Variants in NADK observed in about 807,000 individuals in gnomAD.
The protein encoded by NADK is NAD kinase, also known as poly(P)/ATP NAD kinase.
NADK carries 22 observed loss-of-function variants against 49.8 expected under a neutral mutation model. That is an observed-to-expected ratio of 0.44 (90% confidence interval 0.32 to 0.63). The LOEUF (loss-of-function observed/expected upper bound fraction) is 0.63, where lower values mean the gene tolerates loss of function less well. NADK is among the 30% of genes least tolerant of loss of function. NADK has a pLI of 0.06. For missense variants in NADK, 438 were observed against 609.4 expected, an observed-to-expected ratio of 0.72 and a Z score of 2.96; for synonymous variants, 268 against 253.7, an observed-to-expected ratio of 1.06 and a Z score of -0.54.
intron 4 of NADK, 129 bp from the exon 5 acceptor site, chr1:1,756,737 A>G: frequency 6.5e-7 from 1 of 1,528,326 alleles, no homozygotes; most frequent in Admixed American, 1.8e-5. Flanking sequence ...CCCCACGCTC[A>G]CGCTGAAACT....
chr1:1,765,305 G>C lies in NADK; in HGVS notation c.102C>G (p.Tyr34Ter), dbSNP rs780329303. The change falls in exon 2 of 12, where the codon TAC becomes TAG. Residue 34 changes from tyrosine to a stop codon, truncating the protein, a stop_gained. Transcript: ENST00000341426. LOFTEE classifies it high-confidence loss of function. ...TGGCCCGGCCCCGGATGGGGTGGTT[G>C]TAACTCCAGGTCTCATCGCCGTGGC... is the stretch of plus-strand genomic sequence containing the variant. ...SACHGDETWS[Y>*]NHPIRGRAKS... The C allele has an allele frequency of 6.2e-7, 1 of 1,613,518 alleles. No individual in the cohort carries two copies. The highest frequency in any genetic ancestry group is 8.5e-7 in the Non-Finnish European group (1 of 1,179,814).
In NADK at chr1:1,752,854, A is replaced by T; in HGVS notation, c.*50T>A. The T allele has an allele frequency of 6.3e-7, 1 of 1,584,126 alleles. No homozygotes were observed. On this transcript the variant is annotated 3_prime_UTR_variant, in exon 12 of 12. Transcript: ENST00000341426. Reference sequence around the variant, plus strand: ...CACACGCAGATTGGTCTGTCCCCAGAGGGCGCTTGGAGGGCAGCGGAAGGA... The same window carrying T: ...CACACGCAGATTGGTCTGTCCCCAGTGGGCGCTTGGAGGGCAGCGGAAGGA...
At chr1:1,758,964 T>C (rs1645624483) in intron 3 of NADK, 4 of 1,198,888 alleles carry the variant, frequency 3.3e-6, no homozygotes, top group East Asian at 2.8e-5. Context: ...CCCTGCCTCC[T>C]AGCCCGCTGC....
intron 3 of NADK, among the ~76,000 whole-genome samples, chr1:1,757,682 G>C (rs1645574374): frequency 6.6e-6 from 1 of 152,116 alleles, no homozygotes; most frequent in African/African-American, 2.4e-5. Context: ...CCCATGGCTG[G>C]GCCACTCTTT....
At chr1:1,759,585 A>C in intron 3 of NADK, 1 of 967,488 alleles carries the variant, frequency 1.0e-6, no homozygotes. Flanking sequence ...GGAAGACGGA[A>C]GTTCAGATGC....
At chr1:1,755,209 G>T (rs1220824963) in intron 7 of NADK, among the ~76,000 whole-genome samples, 165 bp downstream of exon 7, 1 of 152,236 alleles carries the variant, frequency 6.6e-6, no homozygotes, top group Admixed American at 6.5e-5. Context: ...AAACTTCTCA[G>T]TGTCAGTAAA....
At position 1,768,758 on chromosome 1, in the gene NADK, G is replaced by A. The variant is rs374963348; in HGVS notation, c.-40-3312C>T. On this transcript the variant is annotated intron_variant, in intron 1 of 11. Transcript: ENST00000341426. ...GAACAAACATTTTTGTTGTTTACCC[G>A]CCCCCTGCCCCATGCCTGTGGCACT... 1.1e-3 allele frequency among the ~76,000 whole-genome samples: 160 copies of A among 152,212 alleles called. 1 individual carries two copies. The highest frequency in any genetic ancestry group is 3.7e-3 in the African/African-American group (153 of 41,544).
intron 3 of NADK, among the ~76,000 whole-genome samples, chr1:1,758,088 A>C (rs1645587502): frequency 6.6e-6 from 1 of 152,194 alleles, no homozygotes; most frequent in South Asian, 2.1e-4. Context: ...CCAGAAGCCA[A>C]GGGAGGGCGC....
At chr1:1,772,373 A>G (rs1487364191) in intron 1 of NADK, among the ~76,000 whole-genome samples, 1 of 152,076 alleles carries the variant, frequency 6.6e-6, no homozygotes, top group Non-Finnish European at 1.5e-5. Context: ...CATGTTGCCC[A>G]GGCTGACCTC....
At chr1:1,759,743 C>T in intron 3 of NADK, 1 of 1,554,384 alleles carries the variant, frequency 6.4e-7, no homozygotes, top group Non-Finnish European at 8.7e-7. Context: ...CCGCTTCCTC[C>T]TGCGGGGCTG....
At chr1:1,766,101 C>CA (rs995336150) in intron 1 of NADK, among the ~76,000 whole-genome samples, 48 of 147,282 alleles carry the variant, frequency 3.3e-4, no homozygotes, top group Non-Finnish European at 5.6e-4. Context: ...TCTTCTCTAG[C>CA]AAAAAAAAAA....
chr1:1,756,924 C>A, intron 4 of NADK: 1 of 813,278 alleles, frequency 1.2e-6, no homozygotes, highest in South Asian at 1.4e-5. Context: ...TCAGATGTGG[C>A]CCCTTGATCT....
intron 1 of NADK, among the ~76,000 whole-genome samples, chr1:1,770,447 T>G (rs1646013649): frequency 6.6e-6 from 1 of 152,192 alleles, no homozygotes; most frequent in African/African-American, 2.4e-5. Flanking sequence ...TAAGTGAGTT[T>G]ATTAGCAAGG....
At chr1:1,753,122 A>ACCCTTCCTCCCT in intron 11 of NADK, 62 bp from the exon 12 acceptor site, 1 of 1,538,080 alleles carries the variant, frequency 6.5e-7, no homozygotes, top group Non-Finnish European at 8.8e-7. Flanking sequence ...CCGGCCAAGA[A>ACCCTTCCTCCCT]CCCTTCCTCC....
At position 1,754,365 on chromosome 1, in the gene NADK, T is replaced by A. The variant is rs149269930; in HGVS notation, c.862A>T (p.Ile288Phe). The change falls in exon 9 of 12, where the codon ATT becomes TTT. Residue 288 changes from isoleucine to phenylalanine, a missense_variant. Coordinates refer to ENST00000341426, the MANE Select transcript of NADK (RefSeq NM_023018.5). This position sits in a 1 kb window ranked among gnomAD's most constrained non-coding sequence, Gnocchi z 4.3. ...AGGTAGGAGGAGGGGCCTCTGTCAA[T>A]CACCACCTCATTCAGGACCTGGAGG... ...MQYQVLNEVVIDRGPSSYLSN... is the reference protein window; with the variant it reads ...MQYQVLNEVVFDRGPSSYLSN... 1,601 of 1,613,864 alleles carry A rather than the reference T, an allele frequency of 9.9e-4. 3 individuals carry two copies. The highest frequency in any genetic ancestry group is 8.5e-4 in the South Asian group (77 of 91,086).
intron 3 of NADK, among the ~76,000 whole-genome samples, chr1:1,757,816 TC>T (rs1384855964): frequency 6.6e-6 from 1 of 151,400 alleles, no homozygotes; most frequent in Non-Finnish European, 1.5e-5. Context: ...AGGACCCGCT[TC>T]CCCCCCTGCA....
chr1:1,754,734 G>A lies in NADK; in HGVS notation c.689-36C>T. On this transcript the variant is annotated intron_variant, in intron 7 of 11. Coordinates refer to ENST00000341426, the MANE Select transcript of NADK (RefSeq NM_023018.5). The surrounding 1 kb of genome is among the most constrained non-coding windows in gnomAD (Gnocchi z 4.3). ...GCAGGAGTCAGAGGGCATGCATCAG[G>A]GAAGTCAGTGGGGTCAGGGGCCCCA... is the stretch of plus-strand genomic sequence containing the variant. 1 of 1,576,110 alleles carries A rather than the reference G, an allele frequency of 6.3e-7. No individual in the cohort carries two copies. The highest frequency in any genetic ancestry group is 8.6e-7 in the Non-Finnish European group (1 of 1,162,290).
chr1:1,767,792 G>A (rs1645930134), intron 1 of NADK, among the ~76,000 whole-genome samples: 1 of 152,130 alleles, frequency 6.6e-6, no homozygotes, highest in South Asian at 2.1e-4. Context: ...TGGACTATAG[G>A]TGTGAGCCAC....
chr1:1,777,784 T>C (rs1228232026), intron 1 of NADK, among the ~76,000 whole-genome samples: 4 of 152,156 alleles, frequency 2.6e-5, no homozygotes, highest in Non-Finnish European at 4.4e-5. Context: ...AACATCACCA[T>C]AGACTATTGG....
Sources: gnomAD v4.1 joint callset for allele counts (sites outside exome capture counted in the v4.1 genomes callset) on GRCh38, gnomAD v4.1.1 for gene constraint, Gnocchi (gnomAD v3.1) non-coding constraint, MANE v1.5 for transcripts, NCBI Gene and HGNC (gene_info 2026-07-23, HGNC 2026-07-21) for gene names.